FBXL7: variants seen among roughly 807,000 people sequenced by gnomAD.
The protein encoded by FBXL7 is F-box/LRR-repeat protein 7.
Under a neutral mutation model 38.3 loss-of-function variants are expected in FBXL7, and 12 were observed. That is an observed-to-expected ratio of 0.31 (90% CI 0.20 to 0.51). FBXL7 has a LOEUF of 0.51. FBXL7 is among the 20% of genes least tolerant of loss of function. The pLI is 0.98. For synonymous variants in FBXL7, 297 were observed against 300.9 expected, an observed-to-expected ratio of 0.99 and a Z score of 0.13; for missense variants, 567 against 676.4, an observed-to-expected ratio of 0.84 and a Z score of 1.79.
intron 2 of FBXL7, among the ~76,000 whole-genome samples, chr5:15,854,116 T>G (rs1011157979): frequency 6.6e-6 from 1 of 152,182 alleles, no homozygotes; most frequent in Non-Finnish European, 1.5e-5. Context: ...ATGGTTATGT[T>G]ACCAGAATAC....
chr5:15,581,969 A>C (rs1450609953), intron 1 of FBXL7, among the ~76,000 whole-genome samples: 1 of 152,114 alleles, frequency 6.6e-6, no homozygotes, highest in Non-Finnish European at 1.5e-5. Flanking sequence ...ACAGGATCGC[A>C]TTCTGTGTCC....
intron 1 of FBXL7, among the ~76,000 whole-genome samples, chr5:15,539,337 C>T (rs543319623): frequency 1.3e-5 from 2 of 152,322 alleles, no homozygotes; most frequent in Admixed American, 1.3e-4. Flanking sequence ...TTTCTCCTCA[C>T]CTATACACAA....
At chr5:15,610,101 G>A (rs533306731) in intron 1 of FBXL7, among the ~76,000 whole-genome samples, 1 of 152,272 alleles carries the variant, frequency 6.6e-6, no homozygotes, top group East Asian at 1.9e-4. Context: ...ACTACCACAA[G>A]AACAGTATGG....
intron 1 of FBXL7, among the ~76,000 whole-genome samples, chr5:15,512,786 A>G (rs1736835998): frequency 6.6e-6 from 1 of 152,218 alleles, no homozygotes; most frequent in Admixed American, 6.5e-5. Flanking sequence ...AGTATTGAGT[A>G]GAATCTACTA....
chr5:15,814,265 G>A (rs1010768360), intron 2 of FBXL7, among the ~76,000 whole-genome samples: 2 of 152,046 alleles, frequency 1.3e-5, no homozygotes, highest in Admixed American at 6.6e-5. Flanking sequence ...GGATGAGTTC[G>A]TGTCCTTCGC....
At chr5:15,677,474 AAG>A (rs1554013981) in intron 2 of FBXL7, among the ~76,000 whole-genome samples, 8 of 149,182 alleles carry the variant, frequency 5.4e-5, no homozygotes, top group Non-Finnish European at 7.4e-5. Context: ...AAAAGAAAGA[AAG>A]AGAGAGAGAG....
intron 1 of FBXL7, among the ~76,000 whole-genome samples, chr5:15,599,811 A>C (rs1455461327): frequency 6.6e-6 from 1 of 152,198 alleles, no homozygotes; most frequent in Non-Finnish European, 1.5e-5. Context: ...TGTCAGCTGA[A>C]AAATGACGAG....
intron 1 of FBXL7, among the ~76,000 whole-genome samples, chr5:15,552,384 G>T (rs1480297347): frequency 7.9e-5 from 12 of 152,038 alleles, no homozygotes; most frequent in Admixed American, 7.9e-4. Context: ...TCTCTCCCTT[G>T]ACAAACTCAC....
chr5:15,770,397 TA>T (rs1201719802), intron 2 of FBXL7, among the ~76,000 whole-genome samples: 2 of 152,196 alleles, frequency 1.3e-5, no homozygotes, highest in Admixed American at 6.5e-5. Context: ...GCTTTCCTGA[TA>T]AAAGGAACAA....
At chr5:15,648,795 C>A (rs1222432689) in intron 2 of FBXL7, among the ~76,000 whole-genome samples, 1 of 152,124 alleles carries the variant, frequency 6.6e-6, no homozygotes, top group African/African-American at 2.4e-5. Context: ...AAATGATCTT[C>A]CTGAGAAACT....
chr5:15,542,876 C>T (rs1401313725), intron 1 of FBXL7, among the ~76,000 whole-genome samples: 1 of 152,104 alleles, frequency 6.6e-6, no homozygotes, highest in Non-Finnish European at 1.5e-5. Context: ...CGAACAAGAT[C>T]AGAGTTGTGC....
intron 2 of FBXL7, among the ~76,000 whole-genome samples, chr5:15,843,087 CTA>C (rs1190783444): frequency 1.3e-5 from 2 of 152,122 alleles, no homozygotes; most frequent in Admixed American, 6.5e-5. Context: ...AGGTGATTCT[CTA>C]TATAATTTTC....
chr5:15,561,307 GATC>G (rs1738409461), intron 1 of FBXL7, among the ~76,000 whole-genome samples: 1 of 152,096 alleles, frequency 6.6e-6, no homozygotes, highest in Non-Finnish European at 1.5e-5. Flanking sequence ...ATGTAAGTGA[GATC>G]ATGCAGTATT....
chr5:15,533,466 A>G (rs73751975), intron 1 of FBXL7, among the ~76,000 whole-genome samples: 1,707 of 152,278 alleles, frequency 0.011, 29 homozygotes, highest in African/African-American at 0.038. Context: ...AGAAACTGAA[A>G]TTAGATACAG....
Position 15,855,902 on chromosome 5 carries a change from G to C in FBXL7, c.128-71988G>C, listed in dbSNP as rs980879495. Among the ~76,000 whole-genome samples, 3 of 152,262 alleles carry C rather than the reference G, an allele frequency of 2.0e-5. No individual in the cohort carries two copies. In the East Asian group the frequency reaches 5.8e-4, roughly 29 times the overall value. On this transcript the variant is annotated intron_variant, in intron 2 of 3. Transcript: ENST00000504595. ...CTTTAAAGCTATAAAGATACAATTT[G>C]AACCCAAGCTTGTCTGATTCCAAAG...
chr5:15,921,544 C>A (rs1364771869), intron 2 of FBXL7, among the ~76,000 whole-genome samples: 1 of 152,154 alleles, frequency 6.6e-6, no homozygotes, highest in Non-Finnish European at 1.5e-5. Flanking sequence ...ATTTTCAATT[C>A]ATGCAATTAT....
At chr5:15,895,888 C>A (rs966588432) in intron 2 of FBXL7, among the ~76,000 whole-genome samples, 7 of 152,072 alleles carry the variant, frequency 4.6e-5, no homozygotes, top group South Asian at 2.1e-4. Flanking sequence ...TCATGATCCA[C>A]CTTCCTCAGC....
intron 2 of FBXL7, among the ~76,000 whole-genome samples, chr5:15,734,848 A>G (rs1175335432): frequency 1.3e-5 from 2 of 152,254 alleles, no homozygotes; most frequent in East Asian, 3.8e-4. Context: ...AAGCATGTCC[A>G]GATGGGTGGA....
chr5:15,649,794 C>T (rs1741646926), intron 2 of FBXL7, among the ~76,000 whole-genome samples: 1 of 151,768 alleles, frequency 6.6e-6, no homozygotes. Flanking sequence ...TGTCTCTGTC[C>T]CCTCACTCAC....
Sources: allele counts gnomAD v4.1 joint callset (sites outside exome capture counted in the v4.1 genomes callset), GRCh38; gene constraint gnomAD v4.1.1; transcripts MANE v1.5; gene names NCBI Gene and HGNC (gene_info 2026-07-23, HGNC 2026-07-21).